The following MTO1 variants were observed in gnomAD, a reference collection of about 807,000 sequenced individuals.
The protein encoded by MTO1 is mitochondrial tRNA translation optimization 1.
MTO1 carries 46 observed loss-of-function variants against 71.6 expected under a neutral mutation model. The observed-to-expected ratio is 0.64, with a 90% CI of 0.51 to 0.82. The LOEUF (loss-of-function observed/expected upper bound fraction) is 0.82, where lower values mean the gene tolerates loss of function less well. MTO1 is among the 40% of genes least tolerant of loss of function. MTO1 has a pLI of 0.00. For missense variants in MTO1, 773 were observed against 867.5 expected (o/e 0.89, Z 1.37); for synonymous variants, 297 against 312.1 (o/e 0.95, Z 0.51).
chr6:73,470,149 G>C (rs1332953770), intron 3 of MTO1, among the ~76,000 whole-genome samples: 1 of 152,124 alleles, frequency 6.6e-6, no homozygotes, highest in Non-Finnish European at 1.5e-5. Flanking sequence ...GGTAAGAGAG[G>C]CTGTGCCAGG....
rs542753608 is a variant in MTO1, at chr6:73,498,746, A to G, written c.1917+850A>G. ...AAAATTGCATCTTTTTTTTTTTTGAAATGGAGTCTCACTCTGTCACCAGGC... is the reference window on the plus strand; with the variant it reads ...AAAATTGCATCTTTTTTTTTTTTGAGATGGAGTCTCACTCTGTCACCAGGC... On this transcript the variant is annotated intron_variant, in intron 11 of 11. Transcript: ENST00000498286. 4.2e-3 allele frequency among the ~76,000 whole-genome samples: 634 copies of G among 151,270 alleles called. 4 individuals carry two copies. The highest frequency in any genetic ancestry group is 0.014 in the African/African-American group (597 of 41,248).
chr6:73,486,532 GT>G (rs1771658103), intron 9 of MTO1: 1 of 402,926 alleles, frequency 2.5e-6, no homozygotes, highest in Admixed American at 2.7e-5. Context: ...GAGGTCAGGA[GT>G]TCGAAACCAG....
chr6:73,486,685 CCG>C, intron 9 of MTO1: 3 of 372,428 alleles, frequency 8.1e-6, no homozygotes, highest in Non-Finnish European at 1.6e-5. Flanking sequence ...TTGCAGTGAG[CCG>C]AGATCAAGCC....
chr6:73,480,513 A>G, intron 6 of MTO1, 162 bp from the exon 7 acceptor site: 1 of 794,848 alleles, frequency 1.3e-6, no homozygotes, highest in Admixed American at 2.3e-5. Flanking sequence ...CAGGTGATCC[A>G]CCCGCCTTGG....
chr6:73,499,586 CAT>C (rs1187916351), intron 11 of MTO1, among the ~76,000 whole-genome samples: 2 of 151,890 alleles, frequency 1.3e-5, no homozygotes, highest in Non-Finnish European at 2.9e-5. Flanking sequence ...TTACTAGCCA[CAT>C]TTCAAGTGCC....
intron 3 of MTO1, among the ~76,000 whole-genome samples, chr6:73,469,176 C>A (rs1771077541): frequency 6.6e-6 from 1 of 151,968 alleles, no homozygotes; most frequent in Non-Finnish European, 1.5e-5. Context: ...AGCTTATTTT[C>A]AATTTTTTTG....
chr6:73,476,416 C>T (rs1182890097), intron 4 of MTO1, among the ~76,000 whole-genome samples: 1 of 148,260 alleles, frequency 6.7e-6, no homozygotes, highest in Non-Finnish European at 1.5e-5. Flanking sequence ...ACCCTCAACG[C>T]ATATAATTTT....
At chr6:73,492,169 C>A in intron 9 of MTO1, 65 bp from the exon 10 acceptor site, 2 of 977,896 alleles carry the variant, frequency 2.0e-6, no homozygotes, top group Non-Finnish European at 3.2e-6. Flanking sequence ...TTCAAAGAAT[C>A]TTGTTCTTGA....
In MTO1 at chr6:73,466,276, C is replaced by T; in HGVS notation, c.285C>T (p.Ala95=). Residue 95 remains alanine (A), a synonymous_variant, in exon 2 of 12, where the codon GCC becomes GCT. Transcript: ENST00000498286. The part of the protein sequence containing the change: ...GKGHLMREVD[A]LDGLCSRICD... ...GACATTTAATGAGGGAAGTAGATGC[C>T]TTGGATGGCCTGTGTTCTCGCATCT... 1 of 1,613,944 alleles carries T rather than the reference C, an allele frequency of 6.2e-7. No homozygotes were observed. The highest frequency in any genetic ancestry group is 8.5e-7 in the Non-Finnish European group (1 of 1,179,924).
chr6:73,497,906 TAGGC>T lies in MTO1; in HGVS notation c.1917+14_1917+17del, dbSNP rs772788355. ...TAGTCGTCCACAGACGGTAAGAAAATAGGCAGGAGAATAGAAACAAGTTATAGAT... is the reference window on the plus strand; with the variant it reads ...TAGTCGTCCACAGACGGTAAGAAAATAGGAGAATAGAAACAAGTTATAGAT... On this transcript the variant is annotated intron_variant, in intron 11 of 11. Transcript: ENST00000498286. The T allele has an allele frequency of 1.3e-6, 2 of 1,599,240 alleles. No individual in the cohort carries two copies. The highest frequency in any genetic ancestry group is 2.7e-5 in the African/African-American group (2 of 74,668).
chr6:73,476,640 C>CT (rs1471498609), intron 4 of MTO1, among the ~76,000 whole-genome samples: 1 of 151,594 alleles, frequency 6.6e-6, no homozygotes, highest in African/African-American at 2.4e-5. Context: ...TATTCTTATT[C>CT]TTTTTTTTCT....
chr6:73,466,433 A>G (rs773731282), intron 2 of MTO1, 25 bp downstream of exon 2: 4 of 1,613,658 alleles, frequency 2.5e-6, no homozygotes, highest in Admixed American at 1.7e-5. Flanking sequence ...TGAGCACAGG[A>G]AAGATTATAG....
chr6:73,473,686 C>T, intron 4 of MTO1, 32 bp downstream of exon 4: 2 of 1,524,194 alleles, frequency 1.3e-6, no homozygotes, highest in African/African-American at 2.8e-5. Flanking sequence ...TGGCTTACAG[C>T]TGGTATTGGC....
At position 73,499,134 on chromosome 6, in the gene MTO1, CTG is replaced by C. The variant is rs562991238; in HGVS notation, c.1917+1240_1917+1241del. 1.5e-3 allele frequency among the ~76,000 whole-genome samples: 233 copies of C among 151,780 alleles called. 3 individuals carry two copies. Among genetic ancestry groups the C allele is most frequent in the South Asian group, 0.015 (70 of 4,810 alleles). On this transcript the variant is annotated intron_variant, in intron 11 of 11. Transcript: ENST00000498286. ...AAGGGGCATATTACAAAAATATAGA[CTG>C]TAGAAAAATTTGAAAAAAACTATTT...
chr6:73,461,888 G>A lies in MTO1; in HGVS notation c.34G>A (p.Ala12Thr). 5 of 1,613,978 alleles carry A rather than the reference G, an allele frequency of 3.1e-6. No homozygotes were observed. The highest frequency in any genetic ancestry group is 4.2e-6 in the Non-Finnish European group (5 of 1,179,808). Residue 12 changes from alanine to threonine, a missense_variant, in exon 1 of 12, where the codon GCG (alanine) becomes ACG (threonine). Physicochemically the swap from Ala to Thr is moderately conservative, Grantham distance 58. Transcript: ENST00000498286. ...FYFRGCGRWV[A>T]VSFTKQQFPL... Reference sequence around the variant, plus strand: ...CTTCCGAGGCTGTGGCCGTTGGGTCGCGGTTTCCTTCACCAAGCAGCAATT... The same window carrying A: ...CTTCCGAGGCTGTGGCCGTTGGGTCACGGTTTCCTTCACCAAGCAGCAATT...
chr6:73,474,159 C>T (rs1202447900), intron 4 of MTO1, among the ~76,000 whole-genome samples: 1 of 151,810 alleles, frequency 6.6e-6, no homozygotes, highest in South Asian at 2.1e-4. Context: ...GTGGCACGAT[C>T]TCAGCTCACT....
intron 3 of MTO1, among the ~76,000 whole-genome samples, 189 bp downstream of exon 3, chr6:73,466,795 A>C (rs1771013875): frequency 6.6e-6 from 1 of 152,186 alleles, no homozygotes; most frequent in Admixed American, 6.6e-5. Context: ...ATGCTCAGTC[A>C]AATTCTAGGC....
At chr6:73,491,813 A>G (rs1391054220) in intron 9 of MTO1, among the ~76,000 whole-genome samples, 1 of 152,182 alleles carries the variant, frequency 6.6e-6, no homozygotes, top group Non-Finnish European at 1.5e-5. Flanking sequence ...TTTGCTCACT[A>G]TACTTAGAAA....
At chr6:73,498,641 G>A (rs1772067090) in intron 11 of MTO1, among the ~76,000 whole-genome samples, 1 of 151,824 alleles carries the variant, frequency 6.6e-6, no homozygotes, top group Non-Finnish European at 1.5e-5. Flanking sequence ...TTAGTATTGG[G>A]CTTCTAATAA....
Sources: allele counts gnomAD v4.1 joint callset (sites outside exome capture counted in the v4.1 genomes callset), GRCh38; gene constraint gnomAD v4.1.1; transcripts MANE v1.5; gene names NCBI Gene and HGNC (gene_info 2026-07-23, HGNC 2026-07-21).